Variants in CEP112 observed in about 807,000 individuals in gnomAD.
CEP112 encodes the protein centrosomal protein of 112 kDa.
CEP112 carries 127 observed loss-of-function variants against 153.0 expected under a neutral mutation model. The observed-to-expected ratio is 0.83, with a 90% CI of 0.72 to 0.96. The LOEUF (loss-of-function observed/expected upper bound fraction) is 0.96, where lower values mean the gene tolerates loss of function less well. CEP112 is among the 40% of genes least tolerant of loss of function. The probability of loss-of-function intolerance (pLI) is 0.00; values close to 1 mark genes in which losing one functional copy is unlikely to be tolerated. For synonymous variants in CEP112, 358 were observed against 374.4 expected (o/e 0.96, Z 0.51); for missense variants, 1,089 against 1,101.2 (o/e 0.99, Z 0.16).
At chr17:65,813,428 A>T (rs1401971785) in intron 21 of CEP112, among the ~76,000 whole-genome samples, 1 of 152,224 alleles carries the variant, frequency 6.6e-6, no homozygotes, top group Non-Finnish European at 1.5e-5. Context: ...TGGTTCATAA[A>T]ACCAATGATC....
At chr17:65,722,206 A>G (rs2049926451) in intron 23 of CEP112, among the ~76,000 whole-genome samples, 1 of 151,728 alleles carries the variant, frequency 6.6e-6, no homozygotes, top group Admixed American at 6.6e-5. Context: ...GAAGTGGGGG[A>G]TGAGGGTAGA....
chr17:65,733,869 C>A lies in CEP112; in HGVS notation c.2607+9199G>T, dbSNP rs79926120. On this transcript the variant is annotated intron_variant, in intron 23 of 26. Transcript: ENST00000535342. ...CATCTAAATACAGGTCCACAATGTT[C>A]TATCTGCAATCCTGAAATCCAAAAG... Among the ~76,000 whole-genome samples, 1,410 of 152,314 alleles carry A rather than the reference C, an allele frequency of 9.3e-3. 17 individuals carry two copies. Among genetic ancestry groups the A allele is most frequent in the African/African-American group, 0.032 (1,335 of 41,580 alleles).
rs573414741 is a variant in CEP112 at position 66,125,417 on chromosome 17, G to A, written c.642+4329C>T. Among the ~76,000 whole-genome samples, 53 of 152,164 alleles carry A rather than the reference G, an allele frequency of 3.5e-4. 3 individuals carry two copies. Among genetic ancestry groups the A allele is most frequent in the Non-Finnish European group, 1.8e-4 (12 of 68,038 alleles). ...CACCACCAGCTACTCAAGAGGCTGA[G>A]GCAAGACGATCACTTGAACCCATGA... On this transcript the variant is annotated intron_variant, in intron 6 of 26. Coordinates refer to ENST00000535342, the MANE Select transcript of CEP112 (RefSeq NM_001199165.4).
chr17:65,678,357 T>C (rs2144178689), intron 24 of CEP112, among the ~76,000 whole-genome samples: 1 of 152,288 alleles, frequency 6.6e-6, no homozygotes, highest in Admixed American at 6.5e-5. Flanking sequence ...TGCCCACCAA[T>C]TTTAAAAGGT....
intron 21 of CEP112, among the ~76,000 whole-genome samples, chr17:65,778,584 G>A (rs1438242555): frequency 1.3e-5 from 2 of 151,830 alleles, no homozygotes; most frequent in African/African-American, 4.8e-5. Context: ...GAAAAATACT[G>A]TTTAATGAAT....
At chr17:66,052,312 C>G (rs548977150) in intron 12 of CEP112, among the ~76,000 whole-genome samples, 1 of 152,266 alleles carries the variant, frequency 6.6e-6, no homozygotes, top group South Asian at 2.1e-4. Flanking sequence ...GTCAAACCAT[C>G]GTTAAGTAGG....
At chr17:66,056,664 T>C (rs2066703440) in intron 11 of CEP112, among the ~76,000 whole-genome samples, 1 of 152,228 alleles carries the variant, frequency 6.6e-6, no homozygotes, top group African/African-American at 2.4e-5. Flanking sequence ...ATTGTATTTA[T>C]ATGAGATATC....
chr17:65,845,428 T>C (rs2057694011), intron 21 of CEP112, among the ~76,000 whole-genome samples: 2 of 152,328 alleles, frequency 1.3e-5, no homozygotes, highest in Non-Finnish European at 2.9e-5. Context: ...ATATTCTTAG[T>C]ATAATGCTTT....
chr17:65,828,972 G>C (rs2056965225), intron 21 of CEP112, among the ~76,000 whole-genome samples: 1 of 151,666 alleles, frequency 6.6e-6, no homozygotes, highest in Non-Finnish European at 1.5e-5. Context: ...TCACAGTATA[G>C]ATAACCACAG....
chr17:66,142,562 G>C (rs2070749392), intron 4 of CEP112, among the ~76,000 whole-genome samples: 1 of 151,782 alleles, frequency 6.6e-6, no homozygotes, highest in African/African-American at 2.4e-5. Context: ...TTCTTTTTAT[G>C]CTTGTGGACT....
chr17:65,756,306 T>C (rs1168914441), intron 21 of CEP112, among the ~76,000 whole-genome samples: 1 of 145,940 alleles, frequency 6.9e-6, no homozygotes, highest in Non-Finnish European at 1.5e-5. Flanking sequence ...CTTGGGAGGC[T>C]GAGGCAGAAT....
rs1951247173 is a variant in CEP112, at chr17:65,719,066, G to GA, written c.2607+24001dup. Among the ~76,000 whole-genome samples, 4 of 152,356 alleles carry GA rather than the reference G, an allele frequency of 2.6e-5. No homozygotes were observed. In the South Asian group the frequency reaches 6.2e-4, roughly 24 times the overall value. ...GCATATGTGTTGTCACATCACTGAAGAAAGAAAGTGCTTTCTGAAAGGAAC... is the reference window on the plus strand; with the variant it reads ...GCATATGTGTTGTCACATCACTGAAGAAAAGAAAGTGCTTTCTGAAAGGAAC... On this transcript the variant is annotated intron_variant, in intron 23 of 26. Coordinates refer to ENST00000535342, the MANE Select transcript of CEP112 (RefSeq NM_001199165.4).
At position 65,650,030 on chromosome 17, in the gene CEP112, G is replaced by A. The variant is rs898719892; in HGVS notation, c.2698-8965C>T. 3.9e-5 allele frequency among the ~76,000 whole-genome samples: 6 copies of A among 152,198 alleles called. No individual in the cohort carries two copies. The East Asian group carries it at 1.2e-3, about 29-fold the overall frequency. On this transcript the variant is annotated intron_variant, in intron 24 of 26. Coordinates refer to ENST00000535342, the MANE Select transcript of CEP112 (RefSeq NM_001199165.4). Reference sequence around the variant, plus strand: ...CTGTACTGTCTGGCCCTATCCACCTGCTAACCTCCTGCAACTCCAGAGAGT... The same window carrying A: ...CTGTACTGTCTGGCCCTATCCACCTACTAACCTCCTGCAACTCCAGAGAGT...
chr17:65,895,112 A>C (rs2059613923), intron 20 of CEP112, among the ~76,000 whole-genome samples: 1 of 152,124 alleles, frequency 6.6e-6, no homozygotes, highest in African/African-American at 2.4e-5. Flanking sequence ...TATGGGGTAG[A>C]GGACTTTGCT....
At chr17:65,937,838 T>G (rs1599078086) in intron 18 of CEP112, among the ~76,000 whole-genome samples, 1 of 103,796 alleles carries the variant, frequency 9.6e-6, no homozygotes, top group African/African-American at 3.3e-5. Flanking sequence ...GTCCGGGAGG[T>G]GAGGGGCGCC....
chr17:65,655,780 G>A (rs2046034301), intron 24 of CEP112, among the ~76,000 whole-genome samples: 2 of 152,126 alleles, frequency 1.3e-5, no homozygotes, highest in South Asian at 2.1e-4. Flanking sequence ...AAAGATTGAG[G>A]TTGTGATGTA....
chr17:65,681,118 C>T (rs1193711674), intron 24 of CEP112, among the ~76,000 whole-genome samples: 2 of 152,142 alleles, frequency 1.3e-5, no homozygotes, highest in Admixed American at 6.5e-5. Flanking sequence ...AGGATAGGGG[C>T]TCCGGAAAGC....
At chr17:66,091,591 G>T (rs527569851) in intron 8 of CEP112, among the ~76,000 whole-genome samples, 2 of 152,012 alleles carry the variant, frequency 1.3e-5, no homozygotes, top group African/African-American at 4.8e-5. Context: ...CAAAACAGGA[G>T]ATCTCAAATA....
chr17:65,720,002 G>T (rs2049774694), intron 23 of CEP112, among the ~76,000 whole-genome samples: 1 of 152,178 alleles, frequency 6.6e-6, no homozygotes, highest in Non-Finnish European at 1.5e-5. Context: ...TGAACTAGGG[G>T]AAGGGCCTTG....
Sources: allele counts gnomAD v4.1 joint callset (sites outside exome capture counted in the v4.1 genomes callset), GRCh38; gene constraint gnomAD v4.1.1; transcripts MANE v1.5; gene names NCBI Gene and HGNC (gene_info 2026-07-23, HGNC 2026-07-21).